KDM5A: variants seen among roughly 807,000 people sequenced by gnomAD.
KDM5A encodes lysine demethylase 5A, also known as lysine-specific demethylase 5A.
In KDM5A, 42 loss-of-function variants were observed where a neutral mutation model predicts 193.5. That is an observed-to-expected ratio of 0.22 (90% CI 0.17 to 0.28). The LOEUF (loss-of-function observed/expected upper bound fraction) is 0.28, where lower values mean the gene tolerates loss of function less well. Among genes scored for constraint, KDM5A ranks in the 10% least tolerant of loss-of-function variants. KDM5A has a pLI of 1.00. For synonymous variants in KDM5A, 796 were observed against 718.1 expected (o/e 1.11, Z -1.73); for missense variants, 1,692 against 2,055.1 (o/e 0.82, Z 3.42).
At position 293,162 on chromosome 12, in the gene KDM5A, C is replaced by G. The variant is rs371512709; in HGVS notation, c.4463G>C (p.Ser1488Thr). 5.4e-5 allele frequency: 87 copies of G among 1,611,728 alleles called. No homozygotes were observed. In the African/African-American group the frequency reaches 9.5e-4, roughly 18 times the overall value. Residue 1488 changes from serine to threonine, a missense_variant, in exon 27 of 28, where the codon AGC becomes ACC. Around this residue, in one of 11 missense-constraint regions of KDM5A, gnomAD observed 965 missense variants for 1,061.0 expected, o/e 0.91. Coordinates refer to ENST00000399788, the MANE Select transcript of KDM5A (RefSeq NM_001042603.3). Reference sequence around the variant, plus strand: ...CACTTTTAGTGGTTTCTCTTCCATGCTGTCATCCTTCAAAAATATAAATTT... The same window carrying G: ...CACTTTTAGTGGTTTCTCTTCCATGGTGTCATCCTTCAAAAATATAAATTT... ...DRFLHIMEDD[S>T]MEEKPLKVKG... is the part of the protein sequence containing the mutation.
At chr12:364,405 A>G (rs979967622) in intron 4 of KDM5A, among the ~76,000 whole-genome samples, 5 of 151,568 alleles carry the variant, frequency 3.3e-5, no homozygotes, top group Non-Finnish European at 7.4e-5. Context: ...TGAAACCGGG[A>G]GGCGGAGGCT....
chr12:356,627 A>G, intron 5 of KDM5A, 90 bp from the exon 6 acceptor site: 1 of 778,816 alleles, frequency 1.3e-6, no homozygotes, highest in Non-Finnish European at 2.2e-6. Context: ...ATCCTCTTCA[A>G]CACGGAAGAA....
chr12:312,482 C>T (rs1258891737), intron 20 of KDM5A, among the ~76,000 whole-genome samples: 1 of 151,986 alleles, frequency 6.6e-6, no homozygotes, highest in African/African-American at 2.4e-5. Flanking sequence ...TAACAAATTC[C>T]CTACTGCTTA....
intron 4 of KDM5A, among the ~76,000 whole-genome samples, chr12:364,661 T>A (rs1403588669): frequency 6.6e-6 from 1 of 150,536 alleles, no homozygotes. Flanking sequence ...GGTGGGCACC[T>A]GTAGTCCCAG....
Position 293,110 on chromosome 12 carries a change from T to C in KDM5A, c.4515A>G (p.Lys1505=). The C allele has an allele frequency of 6.3e-7, 1 of 1,597,710 alleles. No individual in the cohort carries two copies. The highest frequency in any genetic ancestry group is 1.7e-4 in the Middle Eastern group (1 of 5,952). ...KVKGKDSSEK[K]RKRKLEKVEQ... The stretch of plus-strand genomic sequence containing the variant: ...CTACCTTTTCTAGCTTCCGTTTCCG[T>C]TTCTTCTCTGAAGAGTCCTTTCCTT... The change falls in exon 27 of 28, where the codon AAA becomes AAG. Residue 1505 remains lysine, a synonymous_variant. Coordinates refer to ENST00000399788, the MANE Select transcript of KDM5A (RefSeq NM_001042603.3).
chr12:361,482 C>T (rs1213428395), intron 5 of KDM5A, among the ~76,000 whole-genome samples: 2 of 152,136 alleles, frequency 1.3e-5, no homozygotes, highest in East Asian at 1.9e-4. Flanking sequence ...GCGTGAGCCA[C>T]CATGCCCGGC....
chr12:384,183 G>A (rs199982060), intron 2 of KDM5A, 30 bp from the exon 3 acceptor site: 5 of 1,520,492 alleles, frequency 3.3e-6, no homozygotes, highest in South Asian at 2.2e-5. Flanking sequence ...GAAGAACTAA[G>A]TTATGATTGA....
intron 14 of KDM5A, among the ~76,000 whole-genome samples, chr12:325,577 G>A (rs1943772410): frequency 6.6e-6 from 1 of 152,176 alleles, no homozygotes. Flanking sequence ...TCAGGAGGCT[G>A]ACGCAGAATT....
chr12:310,869 G>A lies in KDM5A; in HGVS notation c.3216+16C>T, dbSNP rs1329738045. The A allele has an allele frequency of 1.9e-6, 3 of 1,612,926 alleles. No homozygotes were observed. In the Admixed American group the frequency reaches 5.0e-5, roughly 27 times the overall value. ...TAAATTATCAGCTGCTTATGAGAGT[G>A]TTGAAGTTCAAGTACCTGTAACAAT... On this transcript the variant is annotated intron_variant, in intron 21 of 27. Transcript: ENST00000399788.
intron 2 of KDM5A, 51 bp downstream of exon 2, chr12:385,846 C>G: frequency 7.2e-7 from 1 of 1,392,442 alleles, no homozygotes; most frequent in Admixed American, 1.7e-5. Context: ...CTACCTACAG[C>G]CCTAATATAA....
In KDM5A at chr12:295,660, T is replaced by C; in HGVS notation, c.4368A>G (p.Glu1456=). 2 of 1,614,140 alleles carry C rather than the reference T, an allele frequency of 1.2e-6. No homozygotes were observed. Among genetic ancestry groups the C allele is most frequent in the East Asian group, 2.2e-5 (1 of 44,874 alleles). ...TGTGTTGAGTCTCGTCCAGAGATAC[T>C]TCCAGGAGATCTCCAACCATCATAA... ...EELMMVGDLL[E]VSLDETQHIW... The change falls in exon 26 of 28, where the codon GAA becomes GAG. Residue 1456 remains glutamate, a synonymous_variant. Coordinates refer to ENST00000399788, the MANE Select transcript of KDM5A (RefSeq NM_001042603.3).
intron 27 of KDM5A, among the ~76,000 whole-genome samples, chr12:287,827 C>G (rs1383734257): frequency 6.6e-6 from 1 of 152,140 alleles, no homozygotes; most frequent in Non-Finnish European, 1.5e-5. Context: ...GTATTTGCTA[C>G]AAAGAAAAGT....
rs1565519832 is a variant in KDM5A, at chr12:282,173, A to G, written c.*3283T>C. The G allele has an allele frequency of 7.9e-6, 2 of 252,416 alleles. No individual in the cohort carries two copies. The highest frequency in any genetic ancestry group is 9.1e-5 in the South Asian group (1 of 10,952). The allele number at this position is 252,416 out of a possible 1,614,324, so 15.6% of individuals were successfully genotyped here. A position where few individuals can be genotyped will look rare whatever the true frequency, so the allele number is the denominator to read the frequency against. On this transcript the variant is annotated 3_prime_UTR_variant, in exon 28 of 28. Coordinates refer to ENST00000399788, the MANE Select transcript of KDM5A (RefSeq NM_001042603.3). ...CAGCTTAGCCTCTGTCCTTTAAAAAAAGAGAGAGACAGACAGACACATGGG... is the reference window on the plus strand; with the variant it reads ...CAGCTTAGCCTCTGTCCTTTAAAAAGAGAGAGAGACAGACAGACACATGGG...
At chr12:310,048 T>C (rs1219741495) in intron 21 of KDM5A, 84 bp from the exon 22 acceptor site, 3 of 1,396,804 alleles carry the variant, frequency 2.1e-6, no homozygotes, top group Admixed American at 3.8e-5. Flanking sequence ...ATTTGTTGAC[T>C]GTTCAACCAT....
chr12:349,289 G>C (rs1944119101), intron 10 of KDM5A, among the ~76,000 whole-genome samples: 1 of 151,206 alleles, frequency 6.6e-6, no homozygotes, highest in South Asian at 2.1e-4. Flanking sequence ...CAAAGTGCTG[G>C]GATTACAGGT....
At position 289,907 on chromosome 12, in the gene KDM5A, C is replaced by CTTTTTTTTTTTTTTTTTTTT. The variant is rs750918968; in HGVS notation, c.4866+2832_4866+2851dup. Among the ~76,000 whole-genome samples, 57 of 99,632 alleles carry CTTTTTTTTTTTTTTTTTTTT rather than the reference C, an allele frequency of 5.7e-4. 1 individual carries two copies. The highest frequency in any genetic ancestry group is 2.7e-3 in the East Asian group (6 of 2,252). 65.4% of individuals were successfully genotyped at this position (99,632 alleles called of 152,430 possible). Reference sequence around the variant, plus strand: ...AAAAAGCATGATTTTTTCTTTCTTTCTTTTTTTTTTTTTTTTTTTTTTTAC... The same window carrying CTTTTTTTTTTTTTTTTTTTT: ...AAAAAGCATGATTTTTTCTTTCTTTCTTTTTTTTTTTTTTTTTTTTTTTTTTTTTTTTTTTTTTTTTTTAC... On this transcript the variant is annotated intron_variant, in intron 27 of 27. Coordinates refer to ENST00000399788, the MANE Select transcript of KDM5A (RefSeq NM_001042603.3).
At chr12:348,951 G>A (rs954703015) in intron 10 of KDM5A, among the ~76,000 whole-genome samples, 5 of 146,658 alleles carry the variant, frequency 3.4e-5, no homozygotes, top group Non-Finnish European at 6.0e-5. Context: ...TGTCAAACTC[G>A]TTATAGGGGG....
At chr12:293,410 T>C (rs1943325855) in intron 26 of KDM5A, among the ~76,000 whole-genome samples, 1 of 152,180 alleles carries the variant, frequency 6.6e-6, no homozygotes, top group Non-Finnish European at 1.5e-5. Flanking sequence ...GTCAATCTAC[T>C]TAATGTAACT....
intron 13 of KDM5A, among the ~76,000 whole-genome samples, chr12:329,431 TG>T (rs1943834963): frequency 6.6e-6 from 1 of 151,442 alleles, no homozygotes; most frequent in Non-Finnish European, 1.5e-5. Context: ...AAGGGTTAAG[TG>T]GAAGTATTCA....
Sources: allele counts gnomAD v4.1 joint callset (sites outside exome capture counted in the v4.1 genomes callset), GRCh38; gene constraint gnomAD v4.1.1; regional missense constraint gnomAD v4.1.1; transcripts MANE v1.5; gene names NCBI Gene and HGNC (gene_info 2026-07-23, HGNC 2026-07-21).